GALNT17: variants seen among roughly 807,000 people sequenced by gnomAD.
GALNT17 encodes the protein UDP-GalNAc:polypeptide N-acetylgalactosaminyltransferase-like 3.
In GALNT17, 29 loss-of-function variants were observed where a neutral mutation model predicts 63.7. The ratio of observed to expected loss-of-function variants is 0.46; its 90% CI spans 0.34 to 0.62. The LOEUF is 0.62. GALNT17 is among the 20% of genes least tolerant of loss of function. GALNT17 has a pLI of 0.01. For synonymous variants in GALNT17, 305 were observed against 318.3 expected (o/e 0.96, Z 0.45); for missense variants, 603 against 799.6 (o/e 0.75, Z 2.97).
rs554266532 is a variant in GALNT17, at chr7:71,568,342, C to G, written c.963-2943C>G. Among the ~76,000 whole-genome samples, 4 of 152,232 alleles carry G rather than the reference C, an allele frequency of 2.6e-5. No individual in the cohort carries two copies. In the East Asian group the frequency reaches 7.7e-4, roughly 29 times the overall value. ...TCAGTGGATTGTGGCAGTGCATACA[C>G]GAGATGTGCGTGGAAAGTGCTTTGC... On this transcript the variant is annotated intron_variant, in intron 5 of 10. Coordinates refer to ENST00000333538, the MANE Select transcript of GALNT17 (RefSeq NM_022479.3).
rs1483278452 is a variant in GALNT17 at position 71,393,324 on chromosome 7, GT to G, written c.589+4927del. ...TTTTTTTTCCCAGCCTTACAATTTT[GT>G]TTTCTGATCTTAAAAGTAATGCGTG... On this transcript the variant is annotated intron_variant, in intron 3 of 10. Coordinates refer to ENST00000333538, the MANE Select transcript of GALNT17 (RefSeq NM_022479.3). Among the ~76,000 whole-genome samples the G allele has an allele frequency of 2.6e-5, 4 of 151,788 alleles. No individual in the cohort carries two copies. The East Asian group carries it at 7.7e-4, about 29-fold the overall frequency.
At chr7:71,678,093 C>T (rs1472844620) in intron 9 of GALNT17, among the ~76,000 whole-genome samples, 2 of 152,068 alleles carry the variant, frequency 1.3e-5, no homozygotes, top group African/African-American at 4.8e-5. Flanking sequence ...CTTTCCAGCA[C>T]AGCCAAGCAT....
chr7:71,670,661 C>T (rs1791054764), intron 8 of GALNT17, among the ~76,000 whole-genome samples: 1 of 152,136 alleles, frequency 6.6e-6, no homozygotes, highest in African/African-American at 2.4e-5. Context: ...TTTTGAAGTA[C>T]TGGGCACTAT....
chr7:71,196,861 C>T (rs984109015), intron 1 of GALNT17, among the ~76,000 whole-genome samples: 18 of 152,016 alleles, frequency 1.2e-4, no homozygotes, highest in Admixed American at 1.0e-3. Context: ...ACCATGTTGG[C>T]CAGGCTGGTC....
At chr7:71,513,638 G>A (rs566791639) in intron 5 of GALNT17, among the ~76,000 whole-genome samples, 1 of 151,982 alleles carries the variant, frequency 6.6e-6, no homozygotes, top group African/African-American at 2.4e-5. Context: ...CGCCCACTTC[G>A]GCCTCCCAAA....
At chr7:71,452,447 G>C (rs1056676375) in intron 5 of GALNT17, among the ~76,000 whole-genome samples, 31 of 152,118 alleles carry the variant, frequency 2.0e-4, no homozygotes, top group African/African-American at 7.5e-4. Context: ...TCAGGAGGCT[G>C]AGGCAGGAGA....
chr7:71,388,501 T>A, intron 3 of GALNT17, 100 bp downstream of exon 3: 3 of 1,379,098 alleles, frequency 2.2e-6, no homozygotes, highest in Non-Finnish European at 3.0e-6. Context: ...TCCTGGTCCC[T>A]GGAGCATATC....
At chr7:71,573,407 T>C (rs563332250) in intron 6 of GALNT17, among the ~76,000 whole-genome samples, 1 of 152,242 alleles carries the variant, frequency 6.6e-6, no homozygotes, top group South Asian at 2.1e-4. Context: ...CTCGGCTCAC[T>C]GCAAGCTCCA....
At chr7:71,287,047 G>T (rs907494451) in intron 1 of GALNT17, among the ~76,000 whole-genome samples, 3 of 151,578 alleles carry the variant, frequency 2.0e-5, no homozygotes, top group African/African-American at 7.3e-5. Flanking sequence ...GAAAGTGCTG[G>T]GATTACAGGC....
At chr7:71,574,805 T>C (rs1053227835) in intron 6 of GALNT17, among the ~76,000 whole-genome samples, 1 of 152,080 alleles carries the variant, frequency 6.6e-6, no homozygotes, top group Non-Finnish European at 1.5e-5. Flanking sequence ...GTAACTTAGT[T>C]ATGGGCCCTT....
At chr7:71,517,211 C>G (rs1198005770) in intron 5 of GALNT17, among the ~76,000 whole-genome samples, 1 of 152,178 alleles carries the variant, frequency 6.6e-6, no homozygotes, top group Non-Finnish European at 1.5e-5. Flanking sequence ...TGATGGCGCT[C>G]TCTTCTTGGT....
At chr7:71,632,454 T>C (rs1424534360) in intron 6 of GALNT17, among the ~76,000 whole-genome samples, 1 of 152,102 alleles carries the variant, frequency 6.6e-6, no homozygotes, top group African/African-American at 2.4e-5. Flanking sequence ...GGTGCTCTGA[T>C]GGGGTGAGAG....
At chr7:71,517,288 T>G (rs1788460550) in intron 5 of GALNT17, among the ~76,000 whole-genome samples, 1 of 152,146 alleles carries the variant, frequency 6.6e-6, no homozygotes, top group African/African-American at 2.4e-5. Context: ...AGTCCTTTCT[T>G]CTTCTTACAG....
In GALNT17 at chr7:71,478,958, A is replaced by G. The variant is rs529098548; in HGVS notation, c.962+57853A>G. Among the ~76,000 whole-genome samples, 6 of 152,336 alleles carry G rather than the reference A, an allele frequency of 3.9e-5. No homozygotes were observed. In the South Asian group the frequency reaches 6.2e-4, roughly 16 times the overall value. On this transcript the variant is annotated intron_variant, in intron 5 of 10. Coordinates refer to ENST00000333538, the MANE Select transcript of GALNT17 (RefSeq NM_022479.3). ...CTAGCTCAATTTGGTTCTGGAGACC[A>G]TAAGTAAAATCACTGCCTGATACAG...
chr7:71,513,288 G>A (rs1391997348), intron 5 of GALNT17, among the ~76,000 whole-genome samples: 1 of 152,028 alleles, frequency 6.6e-6, no homozygotes, highest in East Asian at 1.9e-4. Context: ...AAAGTAGAGA[G>A]AAAAATATAA....
At chr7:71,424,106 C>T (rs1422004037) in intron 5 of GALNT17, among the ~76,000 whole-genome samples, 1 of 152,154 alleles carries the variant, frequency 6.6e-6, no homozygotes, top group Non-Finnish European at 1.5e-5. Context: ...GTTCATCATG[C>T]AGTGTTTCAG....
intron 1 of GALNT17, among the ~76,000 whole-genome samples, chr7:71,260,001 GGGT>G (rs2115617814): frequency 6.6e-6 from 1 of 152,250 alleles, no homozygotes; most frequent in South Asian, 2.1e-4. Context: ...ACAAGGTCTT[GGGT>G]AGGGGATGGG....
chr7:71,322,388 G>T (rs1052388685), intron 1 of GALNT17, among the ~76,000 whole-genome samples: 1 of 152,142 alleles, frequency 6.6e-6, no homozygotes, highest in African/African-American at 2.4e-5. Context: ...ACCGCAGTTT[G>T]AAAATTTATG....
chr7:71,222,553 A>G (rs34701545), intron 1 of GALNT17, among the ~76,000 whole-genome samples: 50,332 of 152,004 alleles, frequency 0.33, 9,326 homozygotes, highest in South Asian at 0.53. Flanking sequence ...CTGCCTCCCA[A>G]AGTGCTGGGA....
Sources: gnomAD v4.1 joint callset for allele counts (sites outside exome capture counted in the v4.1 genomes callset) on GRCh38, gnomAD v4.1.1 for gene constraint, MANE v1.5 for transcripts, NCBI Gene and HGNC (gene_info 2026-07-23, HGNC 2026-07-21) for gene names.